SYNPR: variants seen among roughly 807,000 people sequenced by gnomAD.
The protein encoded by SYNPR is synaptoporin.
In SYNPR, 23 loss-of-function variants were observed where a neutral mutation model predicts 32.9. The observed-to-expected ratio is 0.70, with a 90% CI of 0.50 to 0.99. The LOEUF (loss-of-function observed/expected upper bound fraction) is 0.99. Ranked by LOEUF, SYNPR falls within the 50% of genes least tolerant of loss-of-function variation. The pLI is 0.00. For missense variants in SYNPR, 318 were observed against 349.3 expected (o/e 0.91, Z 0.71); for synonymous variants, 146 against 135.9 (o/e 1.07, Z -0.52).
intron 2 of SYNPR, among the ~76,000 whole-genome samples, chr3:63,454,148 G>A (rs4688400): frequency 0.21 from 31,467 of 151,966 alleles, 3,344 homozygotes; most frequent in East Asian, 0.28. Context: ...GGGGTGAAAT[G>A]AGGGACAGAA....
intron 2 of SYNPR, among the ~76,000 whole-genome samples, chr3:63,421,137 C>T (rs1699790204): frequency 6.6e-6 from 1 of 152,134 alleles, no homozygotes; most frequent in East Asian, 1.9e-4. Context: ...CCGGTTTTGG[C>T]CTCCGAAATT....
At chr3:63,207,026 G>A in the SYNPR span, among the ~76,000 whole-genome samples, 1 of 152,234 alleles carries the variant, frequency 6.6e-6, no homozygotes, top group East Asian at 1.9e-4. Context: ...CAGGCTCTCA[G>A]GGAGAAGGAG....
chr3:63,315,872 G>T (rs1253495934), intron 2 of SYNPR, among the ~76,000 whole-genome samples: 2 of 151,870 alleles, frequency 1.3e-5, no homozygotes, highest in Admixed American at 6.6e-5. Context: ...GTTTGCTGTG[G>T]GTTTGTCATC....
chr3:63,570,836 T>C (rs1017274615), intron 4 of SYNPR, among the ~76,000 whole-genome samples: 2 of 152,168 alleles, frequency 1.3e-5, no homozygotes, highest in African/African-American at 4.8e-5. Flanking sequence ...ACAGCTATTG[T>C]CCCCTAAAGG....
chr3:63,300,553 A>C (rs1236390340), intron 2 of SYNPR, among the ~76,000 whole-genome samples: 3 of 152,018 alleles, frequency 2.0e-5, no homozygotes, highest in African/African-American at 7.2e-5. Flanking sequence ...AGCTGTTGTG[A>C]ATGTTGACTA....
chr3:63,251,030 G>C (rs1307700854), intron 1 of SYNPR, among the ~76,000 whole-genome samples: 1 of 152,010 alleles, frequency 6.6e-6, no homozygotes, highest in Non-Finnish European at 1.5e-5. Flanking sequence ...ACTGTTAAAA[G>C]TTGTGGTCTC....
At chr3:63,350,118 T>A (rs916596876) in intron 2 of SYNPR, among the ~76,000 whole-genome samples, 6 of 152,060 alleles carry the variant, frequency 3.9e-5, no homozygotes, top group Non-Finnish European at 8.8e-5. Flanking sequence ...AGGAAAGGAA[T>A]CTTAGTAATA....
At chr3:63,361,555 A>C (rs954021171) in intron 2 of SYNPR, among the ~76,000 whole-genome samples, 1 of 146,146 alleles carries the variant, frequency 6.8e-6, no homozygotes, top group Admixed American at 7.0e-5. Flanking sequence ...CAGAGATTGC[A>C]CCACTGCGCT....
intron 2 of SYNPR, among the ~76,000 whole-genome samples, chr3:63,338,508 C>T (rs938371283): frequency 7.2e-5 from 11 of 152,176 alleles, no homozygotes; most frequent in Non-Finnish European, 1.0e-4. Flanking sequence ...GGATTCAAAT[C>T]CCTTCTGAGT....
At chr3:63,437,436 G>T (rs955917804) in intron 2 of SYNPR, among the ~76,000 whole-genome samples, 2 of 152,086 alleles carry the variant, frequency 1.3e-5, no homozygotes, top group Non-Finnish European at 2.9e-5. Flanking sequence ...GTGTTAGTCG[G>T]GTTTCAGGCA....
intron 3 of SYNPR, among the ~76,000 whole-genome samples, chr3:63,511,298 G>A (rs954098415): frequency 2.0e-5 from 3 of 152,062 alleles, no homozygotes; most frequent in Non-Finnish European, 4.4e-5. Context: ...TTCCTTGTAA[G>A]AAAGAGGAGG....
intron 2 of SYNPR, among the ~76,000 whole-genome samples, chr3:63,439,891 C>T (rs963074747): frequency 7.2e-5 from 11 of 151,796 alleles, no homozygotes; most frequent in South Asian, 2.1e-4. Flanking sequence ...TTTCATCATT[C>T]ATTCATTTAT....
chr3:63,271,024 TTTCC>T (rs1282636712), intron 3 of SYNPR, among the ~76,000 whole-genome samples: 1 of 104,606 alleles, frequency 9.6e-6, no homozygotes, highest in African/African-American at 3.3e-5. Context: ...TCCTTCCTTC[TTTCC>T]TTCCTTCCTT....
In SYNPR at chr3:63,334,623, T is replaced by A. The variant is rs118071236; in HGVS notation, c.84+55881T>A. Among the ~76,000 whole-genome samples the A allele has an allele frequency of 1.6e-4, 24 of 151,854 alleles. No homozygotes were observed. The East Asian group carries it at 4.7e-3, about 30-fold the overall frequency. On this transcript the variant is annotated intron_variant, in intron 2 of 5. Transcript: ENST00000478300. The stretch of plus-strand genomic sequence containing the variant: ...CTTCACTAGTCACAAGCACTTAGAA[T>A]GCAAGCTGGCTGCCTGAAAAGGAAA...
chr3:63,472,127 C>T (rs1277308971), intron 2 of SYNPR, among the ~76,000 whole-genome samples: 6 of 152,214 alleles, frequency 3.9e-5, no homozygotes, highest in Non-Finnish European at 5.9e-5. Context: ...ATGTAGCCCT[C>T]ATCTGACTTT....
intron 3 of SYNPR, among the ~76,000 whole-genome samples, chr3:63,540,930 A>ACACACACACACACACACACACACACACAC (rs1553644965): frequency 1.6e-5 from 2 of 122,758 alleles, no homozygotes; most frequent in African/African-American, 3.2e-5. Context: ...TCCCCCCCCC[A>ACACACACACACACACACACACACACACAC]ACACACACAC....
chr3:63,223,512 C>T (rs904792924), upstream of SYNPR, among the ~76,000 whole-genome samples: 2 of 151,884 alleles, frequency 1.3e-5, no homozygotes, highest in Admixed American at 6.6e-5. Flanking sequence ...GTGGCAGCCA[C>T]AATGGTGTTC....
At chr3:63,464,283 G>T (rs1398039424) in intron 2 of SYNPR, among the ~76,000 whole-genome samples, 1 of 152,066 alleles carries the variant, frequency 6.6e-6, no homozygotes, top group Admixed American at 6.6e-5. Flanking sequence ...CCTCATTGAA[G>T]AATTTAATTT....
At chr3:63,239,490 CAATGGTAG>C (rs2086223453) in intron 1 of SYNPR, among the ~76,000 whole-genome samples, 1 of 151,042 alleles carries the variant, frequency 6.6e-6, no homozygotes, top group Admixed American at 6.6e-5. Flanking sequence ...ACACACCTGA[CAATGGTAG>C]AATGGGTAAC....
Sources: gnomAD v4.1 joint callset for allele counts (sites outside exome capture counted in the v4.1 genomes callset) on GRCh38, gnomAD v4.1.1 for gene constraint, MANE v1.5 for transcripts, NCBI Gene and HGNC (gene_info 2026-07-23, HGNC 2026-07-21) for gene names.